The following PABPC4L variants were observed in gnomAD, a reference collection of about 807,000 sequenced individuals.
PABPC4L encodes the protein poly(A) binding protein cytoplasmic 4 like.
For synonymous variants in PABPC4L, 169 were observed against 164.1 expected (o/e 1.03, Z -0.23); for missense variants, 452 against 451.4 (o/e 1.00, Z -0.01).
chr4:134,198,408 T>C lies in PABPC4L; in HGVS notation c.*1499A>G, dbSNP rs1729732826. 6.6e-6 allele frequency: 1 copy of C among 151,676 alleles called. No homozygotes were observed. Among genetic ancestry groups the C allele is most frequent in the Admixed American group, 6.6e-5 (1 of 15,238 alleles). 9.4% of individuals were successfully genotyped at this position (151,676 alleles called of 1,614,324 possible). ...TTAGAAAATGTGCAAAGAATATACA[T>C]ATAATTTCTATAAAAATAAAAGGCA... On this transcript the variant is annotated 3_prime_UTR_variant, in exon 2 of 2. Coordinates refer to ENST00000421491, the MANE Select transcript of PABPC4L (RefSeq NM_001114734.2).
the PABPC4L span, among the ~76,000 whole-genome samples, chr4:134,029,334 G>T: frequency 2.0e-5 from 3 of 151,962 alleles, no homozygotes; most frequent in Non-Finnish European, 4.4e-5. Context: ...CTTTGTGCTT[G>T]GGAGGGGTGA....
At chr4:133,967,330 CA>C in the PABPC4L span, among the ~76,000 whole-genome samples, 1 of 150,836 alleles carries the variant, frequency 6.6e-6, no homozygotes, top group Admixed American at 6.6e-5. Context: ...AACAAACAAA[CA>C]AAAAAAGAAT....
the PABPC4L span, among the ~76,000 whole-genome samples, chr4:134,157,168 G>T: frequency 3.3e-5 from 5 of 151,000 alleles, 1 homozygote; most frequent in South Asian, 6.2e-4. Flanking sequence ...TCCCGGGGTT[G>T]TTTAACACTG....
chr4:134,151,511 A>T, the PABPC4L span, among the ~76,000 whole-genome samples: 4 of 151,996 alleles, frequency 2.6e-5, no homozygotes, highest in Admixed American at 6.6e-5. Flanking sequence ...ATTCTTTCTG[A>T]TCATTTTATT....
chr4:133,969,699 T>A, the PABPC4L span, among the ~76,000 whole-genome samples: 4 of 152,190 alleles, frequency 2.6e-5, no homozygotes, highest in Non-Finnish European at 4.4e-5. Context: ...GGGAAGGGTG[T>A]TGTTCCCATA....
the PABPC4L span, among the ~76,000 whole-genome samples, chr4:134,056,442 G>A: frequency 6.6e-6 from 1 of 151,950 alleles, no homozygotes; most frequent in East Asian, 1.9e-4. Context: ...TGACAATTTT[G>A]CCATGTTGAG....
At chr4:134,129,701 A>G in the PABPC4L span, among the ~76,000 whole-genome samples, 1 of 152,090 alleles carries the variant, frequency 6.6e-6, no homozygotes, top group African/African-American at 2.4e-5. Context: ...TAATAGTGAC[A>G]AAACCTATCA....
chr4:134,107,730 T>G, the PABPC4L span, among the ~76,000 whole-genome samples: 1 of 151,794 alleles, frequency 6.6e-6, no homozygotes, highest in Non-Finnish European at 1.5e-5. Context: ...TGAATTTAAA[T>G]ATCTCTTTAT....
chr4:134,084,724 A>C, the PABPC4L span, among the ~76,000 whole-genome samples: 3 of 152,138 alleles, frequency 2.0e-5, no homozygotes, highest in Non-Finnish European at 4.4e-5. Flanking sequence ...AGACTGAAGT[A>C]ATACACTTTA....
the PABPC4L span, among the ~76,000 whole-genome samples, chr4:134,013,543 A>C: frequency 2.3e-3 from 353 of 152,228 alleles, 2 homozygotes; most frequent in Non-Finnish European, 3.4e-4. Flanking sequence ...ACTTGACCCC[A>C]ATACAAACTC....
chr4:134,168,987 A>C, the PABPC4L span, among the ~76,000 whole-genome samples: 1 of 152,214 alleles, frequency 6.6e-6, no homozygotes, highest in East Asian at 1.9e-4. Flanking sequence ...AAGATAAAAC[A>C]GCAGCAACAA....
the PABPC4L span, among the ~76,000 whole-genome samples, chr4:134,143,947 A>G: frequency 1.3e-5 from 2 of 151,602 alleles, no homozygotes; most frequent in Admixed American, 1.3e-4. Flanking sequence ...ATGACAACTG[A>G]AATGTTCTAA....
At chr4:134,136,128 CT>C in the PABPC4L span, among the ~76,000 whole-genome samples, 1 of 152,096 alleles carries the variant, frequency 6.6e-6, no homozygotes, top group Non-Finnish European at 1.5e-5. Flanking sequence ...ACCACTAGTT[CT>C]TTAACACAAC....
At chr4:134,066,847 A>G in the PABPC4L span, among the ~76,000 whole-genome samples, 748 of 152,170 alleles carry the variant, frequency 4.9e-3, 5 homozygotes, top group African/African-American at 0.017. Context: ...AAATTTATTG[A>G]TTTGCATATG....
chr4:134,158,491 G>T, the PABPC4L span, among the ~76,000 whole-genome samples: 1 of 151,992 alleles, frequency 6.6e-6, no homozygotes, highest in African/African-American at 2.4e-5. Context: ...AATTTAGACA[G>T]ACATAAAATC....
the PABPC4L span, among the ~76,000 whole-genome samples, chr4:133,975,283 A>T: frequency 6.6e-6 from 1 of 152,184 alleles, no homozygotes; most frequent in African/African-American, 2.4e-5. Flanking sequence ...TCTCCATAAT[A>T]GGCAAATCCA....
At chr4:134,147,193 C>A in the PABPC4L span, among the ~76,000 whole-genome samples, 9 of 152,030 alleles carry the variant, frequency 5.9e-5, no homozygotes, top group Non-Finnish European at 8.8e-5. Flanking sequence ...TAGAAAGCAA[C>A]AACTCATAGT....
the PABPC4L span, among the ~76,000 whole-genome samples, chr4:134,134,690 T>C: frequency 6.7e-6 from 1 of 148,776 alleles, no homozygotes; most frequent in Non-Finnish European, 1.5e-5. Flanking sequence ...AAATGTAATA[T>C]ATAATATATA....
At chr4:134,075,704 A>C in the PABPC4L span, among the ~76,000 whole-genome samples, 3 of 151,992 alleles carry the variant, frequency 2.0e-5, no homozygotes, top group Non-Finnish European at 2.9e-5. Flanking sequence ...CTTTTTCCAT[A>C]ATTTTTATTA....
Sources: gnomAD v4.1 joint callset for allele counts (sites outside exome capture counted in the v4.1 genomes callset) on GRCh38, gnomAD v4.1.1 for gene constraint, MANE v1.5 for transcripts, NCBI Gene and HGNC (gene_info 2026-07-23, HGNC 2026-07-21) for gene names.